Variants in CCDC171 observed in about 807,000 individuals in gnomAD.
CCDC171 encodes the protein coiled-coil domain-containing protein 171.
A neutral mutation model predicts 168.2 loss-of-function variants in CCDC171; 177 were observed. The observed-to-expected ratio is 1.05, with a 90% CI of 0.93 to 1.19. The LOEUF is 1.19. Ranked by LOEUF, CCDC171 falls within the 50% of genes most tolerant of loss-of-function variation. The probability of loss-of-function intolerance (pLI) is 0.00; values close to 1 mark genes in which losing one functional copy is unlikely to be tolerated. For synonymous variants in CCDC171, 687 were observed against 540.8 expected, an observed-to-expected ratio of 1.27 and a Z score of -3.75; for missense variants, 1,991 against 1,539.0, an observed-to-expected ratio of 1.29 and a Z score of -4.91.
intron 21 of CCDC171, among the ~76,000 whole-genome samples, chr9:15,838,548 A>G (rs2060545562): frequency 6.6e-6 from 1 of 152,242 alleles, no homozygotes; most frequent in African/African-American, 2.4e-5. Context: ...AATCTTCCAC[A>G]AAGTTCATAG....
At position 15,685,644 on chromosome 9, in the gene CCDC171, G is replaced by C. The variant is rs144765055; in HGVS notation, c.1215+6748G>C. 5.4e-3 allele frequency among the ~76,000 whole-genome samples: 817 copies of C among 151,780 alleles called. 9 individuals carry two copies. The highest frequency in any genetic ancestry group is 0.01 in the Middle Eastern group (3 of 294). On this transcript the variant is annotated intron_variant, in intron 10 of 25. Transcript: ENST00000380701. ...AGTGAGACCCTGTCTCAAAAAAAAA[G>C]ATAAATGCAACCACAATCCAGCATT...
At chr9:16,038,630 C>G (rs1833515394), upstream of CCDC171, among the ~76,000 whole-genome samples, 1 of 151,866 alleles carries the variant, frequency 6.6e-6, no homozygotes, top group African/African-American at 2.4e-5. Context: ...ATCAATCCCA[C>G]TAAAAGTTTG....
intron 14 of CCDC171, 132 bp downstream of exon 14, chr9:15,725,108 C>T (rs1251762732): frequency 3.0e-5 from 20 of 659,788 alleles, no homozygotes; most frequent in Non-Finnish European, 4.7e-5. Flanking sequence ...ATGTTTGTGA[C>T]AGCTACAAAA....
In CCDC171 at chr9:15,817,832, C is replaced by G. The variant is rs917229655; in HGVS notation, c.3268-28870C>G. On this transcript the variant is annotated intron_variant, in intron 21 of 25. Transcript: ENST00000380701. ...AGACTTAAATGTCCCTGTCTGACAGCTTTGAAGAGAGTAGTGGTTCTCCCA... is the reference window on the plus strand; with the variant it reads ...AGACTTAAATGTCCCTGTCTGACAGGTTTGAAGAGAGTAGTGGTTCTCCCA... Among the ~76,000 whole-genome samples, 3 of 118,288 alleles carry G rather than the reference C, an allele frequency of 2.5e-5. 1 individual carries two copies. The highest frequency in any genetic ancestry group is 9.5e-5 in the African/African-American group (3 of 31,540). The allele number at this position is 118,288 out of a possible 152,430, so 77.6% of individuals were successfully genotyped here.
intron 25 of CCDC171, among the ~76,000 whole-genome samples, chr9:15,960,281 A>C (rs1174224036): frequency 1.3e-5 from 2 of 152,214 alleles, no homozygotes; most frequent in African/African-American, 4.8e-5. Context: ...AATAATCCCC[A>C]AAACAGGGAA....
intron 1 of CCDC171, among the ~76,000 whole-genome samples, chr9:15,556,778 C>T (rs1296344957): frequency 6.6e-6 from 1 of 151,892 alleles, no homozygotes; most frequent in African/African-American, 2.4e-5. Context: ...GCTTTTGTTG[C>T]CATTGCTTTT....
rs1831496052 is a variant in CCDC171 at position 15,973,108 on chromosome 9, A to G, written c.*1272A>G. 6.6e-6 allele frequency: 1 copy of G among 152,224 alleles called. No homozygotes were observed. 9.4% of individuals were successfully genotyped at this position (152,224 alleles called of 1,614,324 possible). On this transcript the variant is annotated 3_prime_UTR_variant, in exon 26 of 26. Transcript: ENST00000380701. ...TAAAGGTTAAATCCTTGCAGTTTGC[A>G]TCATGGTAAGTGAAGAACAAAAGAA...
At chr9:15,724,569 A>G (rs541057345) in intron 13 of CCDC171, among the ~76,000 whole-genome samples, 1 of 152,360 alleles carries the variant, frequency 6.6e-6, no homozygotes, top group East Asian at 1.9e-4. Flanking sequence ...ATGTTTAAAC[A>G]TAACAAATGT....
chr9:15,930,673 A>G (rs1826403129), intron 25 of CCDC171, among the ~76,000 whole-genome samples: 1 of 151,710 alleles, frequency 6.6e-6, no homozygotes, highest in Admixed American at 6.6e-5. Context: ...TCAGAAATAG[A>G]GGTCTAATTT....
At chr9:15,958,349 C>G (rs1248525607) in intron 25 of CCDC171, among the ~76,000 whole-genome samples, 1 of 151,968 alleles carries the variant, frequency 6.6e-6, no homozygotes, top group Non-Finnish European at 1.5e-5. Context: ...GACTGAGGAA[C>G]TGAACTTTAA....
At position 15,815,760 on chromosome 9, in the gene CCDC171, A is replaced by G. The variant is rs1324563921; in HGVS notation, c.3268-30942A>G. 2.6e-5 allele frequency among the ~76,000 whole-genome samples: 3 copies of G among 117,496 alleles called. 1 individual carries two copies. Among genetic ancestry groups the G allele is most frequent in the Non-Finnish European group, 5.7e-5 (3 of 52,250 alleles). The allele number at this position is 117,496 out of a possible 152,430, so 77.1% of individuals were successfully genotyped here. ...TATAATAATAATTAACATCTATGAT[A>G]TAACCCATTTTCATAAAGTAGGATT... is the stretch of plus-strand genomic sequence containing the variant. On this transcript the variant is annotated intron_variant, in intron 21 of 25. Coordinates refer to ENST00000380701, the MANE Select transcript of CCDC171 (RefSeq NM_173550.4).
chr9:15,813,195 T>C (rs1392962094), intron 21 of CCDC171, among the ~76,000 whole-genome samples: 1 of 152,214 alleles, frequency 6.6e-6, no homozygotes, highest in Non-Finnish European at 1.5e-5. Flanking sequence ...GTAATGTTTC[T>C]TACTTAAATA....
Position 15,789,994 on chromosome 9 carries a change from T to G in CCDC171, c.3267+5300T>G, listed in dbSNP as rs545782963. Among the ~76,000 whole-genome samples, 8 of 152,280 alleles carry G rather than the reference T, an allele frequency of 5.3e-5. No individual in the cohort carries two copies. The South Asian group carries it at 1.7e-3, about 32-fold the overall frequency. The stretch of plus-strand genomic sequence containing the variant: ...TATGTGCCACCTTTTCTTAATCCAG[T>G]CTATCATGGTTGGACATTTGGGTTG... On this transcript the variant is annotated intron_variant, in intron 21 of 25. Coordinates refer to ENST00000380701, the MANE Select transcript of CCDC171 (RefSeq NM_173550.4).
chr9:15,998,665 C>A (rs944124905), intron 3 of CCDC171, among the ~76,000 whole-genome samples: 1 of 152,192 alleles, frequency 6.6e-6, no homozygotes, highest in South Asian at 2.1e-4. Context: ...CTAGATCAGG[C>A]TTGGCAAGTG....
chr9:15,957,517 G>T (rs1392309008), intron 25 of CCDC171, among the ~76,000 whole-genome samples: 1 of 152,142 alleles, frequency 6.6e-6, no homozygotes, highest in Admixed American at 6.6e-5. Context: ...TAACTGTCCT[G>T]CATTCAAATG....
intron 7 of CCDC171, among the ~76,000 whole-genome samples, chr9:15,646,282 C>G (rs1032486063): frequency 6.6e-6 from 1 of 152,054 alleles, no homozygotes; most frequent in Non-Finnish European, 1.5e-5. Flanking sequence ...GATACGAGCC[C>G]CTGCAAAAAT....
At chr9:15,946,970 C>T (rs1050278727) in intron 25 of CCDC171, among the ~76,000 whole-genome samples, 7 of 151,854 alleles carry the variant, frequency 4.6e-5, no homozygotes, top group Non-Finnish European at 1.0e-4. Context: ...TTAGGTTGTA[C>T]AATTAGCATT....
intron 24 of CCDC171, among the ~76,000 whole-genome samples, chr9:15,915,325 T>C (rs1589115505): frequency 1.3e-5 from 2 of 151,674 alleles, no homozygotes; most frequent in East Asian, 3.9e-4. Context: ...GTAGTTCTAC[T>C]TATAGATCTT....
intron 7 of CCDC171, among the ~76,000 whole-genome samples, chr9:15,630,633 C>A (rs1198414714): frequency 1.3e-5 from 2 of 152,152 alleles, no homozygotes; most frequent in Admixed American, 6.5e-5. Flanking sequence ...AGAAAGTTAA[C>A]AAGGATATCC....
Sources: gnomAD v4.1 joint callset for allele counts (sites outside exome capture counted in the v4.1 genomes callset) on GRCh38, gnomAD v4.1.1 for gene constraint, MANE v1.5 for transcripts, NCBI Gene and HGNC (gene_info 2026-07-23, HGNC 2026-07-21) for gene names.